The following MCPH1 variants were observed in gnomAD, a reference collection of about 807,000 sequenced individuals.
MCPH1 encodes microcephalin.
MCPH1 carries 104 observed loss-of-function variants against 84.5 expected under a neutral mutation model. That is an observed-to-expected ratio of 1.23 (90% confidence interval 1.05 to 1.45). The LOEUF (loss-of-function observed/expected upper bound fraction) is 1.45, where lower values mean the gene tolerates loss of function less well. Ranked by LOEUF, MCPH1 falls within the 40% of genes most tolerant of loss-of-function variation. The probability of loss-of-function intolerance (pLI) is 0.00; values close to 1 mark genes in which losing one functional copy is unlikely to be tolerated. For missense variants in MCPH1, 1,498 were observed against 1,005.7 expected (o/e 1.49, Z -6.62); for synonymous variants, 514 against 366.8 (o/e 1.40, Z -4.58).
intron 9 of MCPH1, among the ~76,000 whole-genome samples, chr8:6,457,808 C>G (rs1480992730): frequency 2.6e-5 from 4 of 152,118 alleles, no homozygotes; most frequent in Non-Finnish European, 5.9e-5. Flanking sequence ...GATTTTCTTC[C>G]TAATCCAGTC....
chr8:6,563,139 T>G (rs111398841), intron 12 of MCPH1: 44 of 502,278 alleles, frequency 8.8e-5, no homozygotes, highest in Non-Finnish European at 1.3e-4. Context: ...AACTGTCAGA[T>G]TGCAGTGGGA....
chr8:6,591,023 C>T (rs1338145896), intron 12 of MCPH1, among the ~76,000 whole-genome samples: 3 of 152,226 alleles, frequency 2.0e-5, no homozygotes, highest in Non-Finnish European at 2.9e-5. Flanking sequence ...CTCAGCCTCC[C>T]GAGTAGCTGG....
chr8:6,407,883 TA>T (rs35426926), intron 1 of MCPH1, among the ~76,000 whole-genome samples: 2 of 152,122 alleles, frequency 1.3e-5, no homozygotes, highest in Non-Finnish European at 2.9e-5. Context: ...TAAGTGATTT[TA>T]AAAAAAGGTC....
At chr8:6,450,154 G>A (rs1190654523) in intron 8 of MCPH1, among the ~76,000 whole-genome samples, 4 of 152,138 alleles carry the variant, frequency 2.6e-5, no homozygotes, top group South Asian at 2.1e-4. Context: ...CTTGTTCATC[G>A]ATAATAGTCA....
At chr8:6,453,917 A>T (rs1805385497) in intron 8 of MCPH1, among the ~76,000 whole-genome samples, 1 of 152,146 alleles carries the variant, frequency 6.6e-6, no homozygotes, top group Non-Finnish European at 1.5e-5. Context: ...TTTGTGGTTT[A>T]GAACTGGACC....
At chr8:6,454,279 A>G (rs1336400331) in intron 8 of MCPH1, among the ~76,000 whole-genome samples, 1 of 152,174 alleles carries the variant, frequency 6.6e-6, no homozygotes, top group Non-Finnish European at 1.5e-5. Flanking sequence ...ATGATTAGCT[A>G]TTTGTTAATC....
At position 6,480,937 on chromosome 8, in the gene MCPH1, C is replaced by T; in HGVS notation, c.2136+61C>T. 2.5e-6 allele frequency: 4 copies of T among 1,588,040 alleles called. No individual in the cohort carries two copies. The South Asian group carries it at 3.3e-5, about 13-fold the overall frequency. On this transcript the variant is annotated intron_variant, in intron 11 of 13. Transcript: ENST00000344683. The stretch of plus-strand genomic sequence containing the variant: ...AGGCATTTTGATAGAGTGGGTCACC[C>T]TGAGGTGCCGACATCAGCACTCAGG...
At chr8:6,530,084 G>C (rs1819178466) in intron 12 of MCPH1, among the ~76,000 whole-genome samples, 3 of 152,020 alleles carry the variant, frequency 2.0e-5, no homozygotes. Context: ...AAATGTTGTA[G>C]TTTAAAAATG....
intron 12 of MCPH1, among the ~76,000 whole-genome samples, chr8:6,509,982 C>T (rs142886693): frequency 0.013 from 1,992 of 152,176 alleles, 22 homozygotes; most frequent in Non-Finnish European, 0.02. Context: ...AAATTTAAAT[C>T]CCAAAGTGTA....
chr8:6,595,737 A>C (rs942374912), intron 12 of MCPH1, among the ~76,000 whole-genome samples: 3 of 152,218 alleles, frequency 2.0e-5, no homozygotes, highest in Non-Finnish European at 2.9e-5. Flanking sequence ...TGCACTGTCC[A>C]ACAAGGTCTT....
At chr8:6,424,694 G>A (rs1343888573) in intron 3 of MCPH1, among the ~76,000 whole-genome samples, 1 of 152,168 alleles carries the variant, frequency 6.6e-6, no homozygotes, top group Non-Finnish European at 1.5e-5. Flanking sequence ...TTTAGGACTG[G>A]GCAAATTACT....
At chr8:6,548,032 G>T (rs1441262428) in intron 12 of MCPH1, among the ~76,000 whole-genome samples, 3 of 152,046 alleles carry the variant, frequency 2.0e-5, no homozygotes, top group Non-Finnish European at 4.4e-5. Flanking sequence ...CATTTAAGTG[G>T]TCCAAGTGCC....
intron 2 of MCPH1, among the ~76,000 whole-genome samples, chr8:6,413,293 C>G (rs1339027807): frequency 1.3e-5 from 2 of 151,914 alleles, no homozygotes; most frequent in Non-Finnish European, 2.9e-5. Flanking sequence ...TGATGTGTCT[C>G]TATCCTCTTC....
At chr8:6,505,939 T>C (rs1183023424) in intron 12 of MCPH1, among the ~76,000 whole-genome samples, 1 of 69,826 alleles carries the variant, frequency 1.4e-5, no homozygotes, top group Non-Finnish European at 2.4e-5. Flanking sequence ...AACATACATA[T>C]TCTTTATATA....
intron 4 of MCPH1, among the ~76,000 whole-genome samples, chr8:6,432,485 A>G (rs1425337528): frequency 6.6e-6 from 1 of 152,262 alleles, no homozygotes; most frequent in East Asian, 1.9e-4. Flanking sequence ...TTGAGATAGA[A>G]TTCACATTTT....
At chr8:6,622,107 C>A (rs949886019) in intron 13 of MCPH1, 1 of 327,814 alleles carries the variant, frequency 3.1e-6, no homozygotes, top group Non-Finnish European at 6.1e-6. Flanking sequence ...CCTGTCATCT[C>A]CTCTCCCAGG....
At position 6,644,750 on chromosome 8, in the gene MCPH1, C is replaced by T. The variant is rs1380467321; in HGVS notation, c.*1701C>T. ...CGCTCTGGGTTATTTATCTGTTGCT[C>T]ATCTCAGCTGTTGTTCCTACCTCAA... is the stretch of plus-strand genomic sequence containing the variant. On this transcript the variant is annotated 3_prime_UTR_variant, in exon 14 of 14. Transcript: ENST00000344683. 2 of 152,190 alleles carry T rather than the reference C, an allele frequency of 1.3e-5. No individual in the cohort carries two copies. Among genetic ancestry groups the T allele is most frequent in the Non-Finnish European group, 2.9e-5 (2 of 68,024 alleles). 9.4% of individuals were successfully genotyped at this position (152,190 alleles called of 1,614,324 possible).
At chr8:6,616,895 G>A (rs533583088) in intron 12 of MCPH1, 6 of 152,310 alleles carry the variant, frequency 3.9e-5, no homozygotes, top group Admixed American at 2.0e-4. Context: ...GGGTTCTGTA[G>A]GGGAACATTT....
intron 12 of MCPH1, among the ~76,000 whole-genome samples, chr8:6,577,785 G>C (rs1339211157): frequency 6.6e-6 from 1 of 152,180 alleles, no homozygotes; most frequent in Non-Finnish European, 1.5e-5. Context: ...ACAAATTAAG[G>C]AATCTTCAAT....
Sources: allele counts gnomAD v4.1 joint callset (sites outside exome capture counted in the v4.1 genomes callset), GRCh38; gene constraint gnomAD v4.1.1; transcripts MANE v1.5; gene names NCBI Gene and HGNC (gene_info 2026-07-23, HGNC 2026-07-21).